The following TBXT variants were observed in gnomAD, a reference collection of about 807,000 sequenced individuals.
The protein encoded by TBXT is T-box transcription factor T, also known as T brachyury transcription factor.
In TBXT, 19 loss-of-function variants were observed where a neutral mutation model predicts 41.1. The ratio of observed to expected loss-of-function variants is 0.46; its 90% CI spans 0.32 to 0.68. TBXT has a LOEUF of 0.68. TBXT is among the 30% of genes least tolerant of loss of function. TBXT has a pLI of 0.03. For missense variants in TBXT, 536 were observed against 582.0 expected (o/e 0.92, Z 0.81); for synonymous variants, 213 against 238.9 (o/e 0.89, Z 1.00).
upstream of TBXT, chr6:166,168,451 A>C (rs371348886): frequency 2.0e-5 from 3 of 151,376 alleles, no homozygotes; most frequent in South Asian, 6.3e-4. Context: ...CGATGCCTCA[A>C]CTCTCCAGTC....
chr6:166,159,573 A>G (rs531570617), intron 7 of TBXT, among the ~76,000 whole-genome samples: 3 of 152,370 alleles, frequency 2.0e-5, no homozygotes, highest in East Asian at 3.9e-4. Context: ...TTCTCAAGGC[A>G]TAAAATGAGG....
Position 166,158,099 on chromosome 6 carries a change from C to CTGG in TBXT, c.*213_*215dup, listed in dbSNP as rs1778836855. On this transcript the variant is annotated 3_prime_UTR_variant, in exon 8 of 8. Transcript: ENST00000366876. The stretch of plus-strand genomic sequence containing the variant: ...ACAGTTGGGTTCATCTGTAAGCCAC[C>CTGG]TGGGACAGCACCGCTACTGCAGGTG... The CTGG allele has an allele frequency of 1.4e-6, 1 of 710,764 alleles. No individual in the cohort carries two copies. The highest frequency in any genetic ancestry group is 2.4e-6 in the Non-Finnish European group (1 of 421,998). 44.0% of individuals were successfully genotyped at this position (710,764 alleles called of 1,614,324 possible). A position where few individuals can be genotyped will look rare whatever the true frequency, so the allele number is the denominator to read the frequency against.
chr6:166,158,888 C>A (rs563489457), intron 7 of TBXT, among the ~76,000 whole-genome samples: 17 of 152,162 alleles, frequency 1.1e-4, no homozygotes, highest in Non-Finnish European at 2.2e-4. Flanking sequence ...AAGACTCATA[C>A]CAGGCCAGCC....
rs762039683 is a variant in TBXT at position 166,164,864 on chromosome 6, G to GA, written c.607-4dup. ...TACTTAATTTTAAGAGCTGTGATCT[G>GA]AAAAACAAGAAATTGCATTTACTAG... On this transcript the variant is annotated splice_polypyrimidine_tract_variant and splice_region_variant and intron_variant, in intron 3 of 7. Transcript: ENST00000366876. 9.9e-6 allele frequency: 16 copies of GA among 1,611,262 alleles called. No individual in the cohort carries two copies. The highest frequency in any genetic ancestry group is 1.4e-5 in the Non-Finnish European group (16 of 1,179,348).
chr6:166,164,731 T>C, intron 4 of TBXT, 65 bp from the exon 5 acceptor site: 3 of 1,610,740 alleles, frequency 1.9e-6, no homozygotes, highest in Non-Finnish European at 2.5e-6. Flanking sequence ...GAAAAGAGTA[T>C]GTGCAGCAAT....
At chr6:166,165,666 G>C in intron 3 of TBXT, 40 bp downstream of exon 3, 1 of 1,612,678 alleles carries the variant, frequency 6.2e-7, no homozygotes, top group Non-Finnish European at 8.5e-7. Context: ...ACACCACACC[G>C]CAGCACACCG....
chr6:166,162,517 C>G lies in TBXT; in HGVS notation c.837G>C (p.Arg279Ser), dbSNP rs752749538. The G allele has an allele frequency of 1.2e-6, 2 of 1,613,940 alleles. No homozygotes were observed. Among genetic ancestry groups the G allele is most frequent in the Admixed American group, 1.7e-5 (1 of 59,996 alleles). Reference sequence around the variant, plus strand: ...ACCGGTGGCTCCTCAGGGTTGGGTACCTGTCACAGCTGTGCGTGGAGGGGA... The same window carrying G: ...ACCGGTGGCTCCTCAGGGTTGGGTAGCTGTCACAGCTGTGCGTGGAGGGGA... Reference protein sequence around the residue: ...LSLPSTHSCDRYPTLRSHRSS... With the variant: ...LSLPSTHSCDSYPTLRSHRSS... The change falls in exon 6 of 8, where the codon AGG (arginine) becomes AGC (serine). Residue 279 changes from arginine to serine, a missense_variant. Arg to Ser is a moderately radical substitution (Grantham distance 110). Transcript: ENST00000366876.
chr6:166,168,208 C>A (rs1239801501), upstream of TBXT: 1 of 142,802 alleles, frequency 7.0e-6, no homozygotes, highest in Admixed American at 6.9e-5. Flanking sequence ...GCCCGCACTT[C>A]CGCGAGGGGC....
chr6:166,165,909 T>A, intron 2 of TBXT, 69 bp from the exon 3 acceptor site: 14 of 1,607,492 alleles, frequency 8.7e-6, no homozygotes, highest in Non-Finnish European at 1.2e-5. Context: ...CATCCATTTC[T>A]CCAGGATGCA....
chr6:166,162,645 A>G lies in TBXT; in HGVS notation c.731-22T>C, dbSNP rs750166553. 5 of 1,595,098 alleles carry G rather than the reference A, an allele frequency of 3.1e-6. No individual in the cohort carries two copies. The Admixed American group carries it at 8.8e-5, about 28-fold the overall frequency. ...CCTGCTGTGAGAAAAGACAGTGCTG[A>G]GTAACCTGCATTAGTGCTCCCTCCA... On this transcript the variant is annotated intron_variant, in intron 5 of 7. Transcript: ENST00000366876.
rs375108148 is a variant in TBXT, at chr6:166,158,511, A to G, written c.1115T>C (p.Leu372Pro). ...GGAGCCCCGGAAGAACTGGGCCCCC[A>G]GCCCGTTGGACACGGCTGCTGCCTG... ...GSQAAAVSNGLGAQFFRGSPA... is the reference protein window; with the variant it reads ...GSQAAAVSNGPGAQFFRGSPA... The change falls in exon 8 of 8, where the codon CTG becomes CCG. Residue 372 changes from leucine to proline, a missense_variant. Coordinates refer to ENST00000366876, the MANE Select transcript of TBXT (RefSeq NM_001366285.2). 19 of 1,608,408 alleles carry G rather than the reference A, an allele frequency of 1.2e-5. No individual in the cohort carries two copies. Among genetic ancestry groups the G allele is most frequent in the Non-Finnish European group, 1.4e-5 (17 of 1,175,796 alleles).
Position 166,166,712 on chromosome 6 carries a change from C to A in TBXT, c.351G>T (p.Pro117=), listed in dbSNP as rs1779127538. Residue 117 remains proline (P), a synonymous_variant, in exon 2 of 8, where the codon CCG becomes CCT. Transcript: ENST00000366876. ...GGATGTAGACGCAGCTGGGCGCCTG[C>A]GGCTCCGGCTTGCCCCCCGGCACCC... ...GEWVPGGKPE[P]QAPSCVYIHP... 6.2e-7 allele frequency: 1 copy of A among 1,613,816 alleles called. No homozygotes were observed. The highest frequency in any genetic ancestry group is 2.2e-5 in the East Asian group (1 of 44,884).
At position 166,166,776 on chromosome 6, in the gene TBXT, G is replaced by A. The variant is rs1779131094; in HGVS notation, c.287C>T (p.Ala96Val). Residue 96 changes from alanine to valine, a missense_variant, in exon 2 of 8, where the codon GCG becomes GTG. Ala to Val is a moderately conservative substitution (Grantham distance 64, BLOSUM62 0). Transcript: ENST00000366876. ...AMYSFLLDFV[A>V]ADNHRWKYVN... ...GTACTTCCAGCGGTGGTTGTCCGCC[G>A]CCACGAAGTCCAGCAGGAAGGAGTA... 1.2e-6 allele frequency: 2 copies of A among 1,613,690 alleles called. No individual in the cohort carries two copies. The highest frequency in any genetic ancestry group is 2.7e-5 in the African/African-American group (2 of 74,926).
At position 166,162,601 on chromosome 6, in the gene TBXT, T is replaced by A; in HGVS notation, c.753A>T (p.Gly251=). The A allele has an allele frequency of 6.2e-7, 1 of 1,613,592 alleles. No homozygotes were observed. Among genetic ancestry groups the A allele is most frequent in the Non-Finnish European group, 8.5e-7 (1 of 1,179,782 alleles). Residue 251 remains glycine, a synonymous_variant, in exon 6 of 8, where the codon GGA becomes GGT. Transcript: ENST00000366876. ...TTGCAGGTGGACACAGGGTGCTGGT[T>A]CCAGGAAGAAGCCACCCCCCTGCTG... ...YSQSGGWLLP[G]TSTLCPPANP...
At chr6:166,167,276 A>G in intron 1 of TBXT, 110 bp downstream of exon 1, 1 of 1,258,562 alleles carries the variant, frequency 7.9e-7, no homozygotes, top group Non-Finnish European at 1.1e-6. Context: ...AACAAACACA[A>G]AGCCCTCCTC....
At chr6:166,166,198 A>T (rs1582970326) in intron 2 of TBXT, among the ~76,000 whole-genome samples, 1 of 152,200 alleles carries the variant, frequency 6.6e-6, no homozygotes, top group African/African-American at 2.4e-5. Flanking sequence ...ACAATCCCCG[A>T]CTAAAGAATG....
In TBXT at chr6:166,166,725, C is replaced by G. The variant is rs1236094314; in HGVS notation, c.338G>C (p.Gly113Ala). ...KYVNGEWVPGGKPEPQAPSCV... is the reference protein window; with the variant it reads ...KYVNGEWVPGAKPEPQAPSCV... ...GCTGGGCGCCTGCGGCTCCGGCTTG[C>G]CCCCCGGCACCCATTCCCCGTTCAC... Residue 113 changes from glycine to alanine, a missense_variant, in exon 2 of 8, where the codon GGC becomes GCC. Physicochemically the swap from Gly to Ala is moderately conservative, Grantham distance 60. Transcript: ENST00000366876. 2 of 1,613,188 alleles carry G rather than the reference C, an allele frequency of 1.2e-6. No individual in the cohort carries two copies. The highest frequency in any genetic ancestry group is 1.7e-6 in the Non-Finnish European group (2 of 1,179,688).
At chr6:166,158,697 GT>G in intron 7 of TBXT, 109 bp from the exon 8 acceptor site, 1 of 1,290,986 alleles carries the variant, frequency 7.7e-7, no homozygotes, top group South Asian at 1.7e-5. Flanking sequence ...TAATATGACA[GT>G]TTTCTTCTTT....
chr6:166,162,496 G>A lies in TBXT; in HGVS notation c.858C>T (p.His286=). ...SCDRYPTLRS[H]RSSPYPSPYA... is the part of the protein sequence containing the mutation. ...AGGGGCTGGGGTAGGGTGAGGACCGGTGGCTCCTCAGGGTTGGGTACCTGT... is the reference window on the plus strand; with the variant it reads ...AGGGGCTGGGGTAGGGTGAGGACCGATGGCTCCTCAGGGTTGGGTACCTGT... The change falls in exon 6 of 8, where the codon CAC becomes CAT. Residue 286 remains histidine, a synonymous_variant. Coordinates refer to ENST00000366876, the MANE Select transcript of TBXT (RefSeq NM_001366285.2). The A allele has an allele frequency of 3.7e-6, 6 of 1,614,192 alleles. No individual in the cohort carries two copies. Among genetic ancestry groups the A allele is most frequent in the Non-Finnish European group, 4.2e-6 (5 of 1,180,026 alleles).
Sources: allele counts gnomAD v4.1 joint callset (sites outside exome capture counted in the v4.1 genomes callset), GRCh38; gene constraint gnomAD v4.1.1; transcripts MANE v1.5; gene names NCBI Gene and HGNC (gene_info 2026-07-23, HGNC 2026-07-21).